BNIP3L: variants seen among roughly 807,000 people sequenced by gnomAD.
BNIP3L encodes the protein BCL2 interacting protein 3 like, also known as BCL2/adenovirus E1B 19 kDa protein-interacting protein 3-like.
A neutral mutation model predicts 25.5 loss-of-function variants in BNIP3L; 10 were observed. That is an observed-to-expected ratio of 0.39 (90% CI 0.24 to 0.67). BNIP3L has a LOEUF of 0.67. BNIP3L is among the 30% of genes least tolerant of loss of function. The probability of loss-of-function intolerance (pLI) is 0.45; values close to 1 mark genes in which losing one functional copy is unlikely to be tolerated. For missense variants in BNIP3L, 215 were observed against 270.9 expected (o/e 0.79, Z 1.45); for synonymous variants, 113 against 101.2 (o/e 1.12, Z -0.70).
intron 1 of BNIP3L, among the ~76,000 whole-genome samples, chr8:26,385,920 A>G (rs974120329): frequency 2.6e-5 from 4 of 152,208 alleles, no homozygotes; most frequent in African/African-American, 9.6e-5. Context: ...ACTGTACTGA[A>G]CAAAACAAGA....
intron 1 of BNIP3L, among the ~76,000 whole-genome samples, chr8:26,387,892 T>C (rs963449807): frequency 6.6e-5 from 10 of 152,196 alleles, no homozygotes; most frequent in African/African-American, 2.2e-4. Flanking sequence ...GCCATTTAGA[T>C]AATGGTTAAA....
chr8:26,411,580 G>A lies in BNIP3L; in HGVS notation c.*1168G>A, dbSNP rs1806625780. 6.6e-6 allele frequency: 1 copy of A among 152,458 alleles called. No individual in the cohort carries two copies. Among genetic ancestry groups the A allele is most frequent in the Non-Finnish European group, 1.5e-5 (1 of 68,020 alleles). 9.4% of individuals were successfully genotyped at this position (152,458 alleles called of 1,614,324 possible). On this transcript the variant is annotated 3_prime_UTR_variant, in exon 6 of 6. Transcript: ENST00000380629. Reference sequence around the variant, plus strand: ...TCCCAAGGTGATTCCTGCGACTGCAGGCACTGGTCATTTTCTCATGTAGCT... The same window carrying A: ...TCCCAAGGTGATTCCTGCGACTGCAAGCACTGGTCATTTTCTCATGTAGCT...
chr8:26,409,011 A>G (rs989331490), intron 5 of BNIP3L, among the ~76,000 whole-genome samples: 20 of 152,052 alleles, frequency 1.3e-4, no homozygotes, highest in African/African-American at 4.8e-4. Flanking sequence ...AACTAAACTA[A>G]TCTTTAGCAT....
chr8:26,387,101 C>T (rs1045730424), intron 1 of BNIP3L, among the ~76,000 whole-genome samples: 2 of 152,052 alleles, frequency 1.3e-5, no homozygotes, highest in African/African-American at 2.4e-5. Context: ...TCTCTCCTCC[C>T]CTTGTCCCAA....
intron 1 of BNIP3L, among the ~76,000 whole-genome samples, chr8:26,390,191 C>T (rs951199015): frequency 2.6e-5 from 4 of 152,124 alleles, no homozygotes; most frequent in Non-Finnish European, 5.9e-5. Context: ...TGGATTCAAG[C>T]AATCCTGGTG....
chr8:26,391,340 C>A lies in BNIP3L; in HGVS notation c.198C>A (p.Ile66=). ...GLEHVPSSSS[I]HNGDMEKILL... ...AACACGTACCATCCTCATCCTCCAT[C>A]CACAATGGAGACATGGAGAAGATTC... Residue 66 remains isoleucine, a synonymous_variant, in exon 2 of 6, where the codon ATC becomes ATA. Coordinates refer to ENST00000380629, the MANE Select transcript of BNIP3L (RefSeq NM_004331.3). 2.5e-6 allele frequency: 4 copies of A among 1,611,028 alleles called. No individual in the cohort carries two copies. Among genetic ancestry groups the A allele is most frequent in the Non-Finnish European group, 3.4e-6 (4 of 1,178,682 alleles).
chr8:26,394,864 A>G (rs145690996), intron 2 of BNIP3L, among the ~76,000 whole-genome samples: 4 of 152,348 alleles, frequency 2.6e-5, no homozygotes, highest in Non-Finnish European at 5.9e-5. Flanking sequence ...TGATGAGGGA[A>G]CTTTGAGAAA....
Position 26,412,520 on chromosome 8 carries a change from A to G in BNIP3L, c.*2108A>G, listed in dbSNP as rs1806651990. On this transcript the variant is annotated 3_prime_UTR_variant, in exon 6 of 6. Coordinates refer to ENST00000380629, the MANE Select transcript of BNIP3L (RefSeq NM_004331.3). Reference sequence around the variant, plus strand: ...TTCTTTCAGCGTTAAAAAGAAACATAGTGTTGCCCTTTTTCTTAAAGCATC... The same window carrying G: ...TTCTTTCAGCGTTAAAAAGAAACATGGTGTTGCCCTTTTTCTTAAAGCATC... 1.3e-5 allele frequency: 2 copies of G among 152,374 alleles called. No individual in the cohort carries two copies. The highest frequency in any genetic ancestry group is 1.9e-4 in the East Asian group (1 of 5,192). 9.4% of individuals were successfully genotyped at this position (152,374 alleles called of 1,614,324 possible). A position where few individuals can be genotyped will look rare whatever the true frequency, so the allele number is the denominator to read the frequency against.
intron 1 of BNIP3L, chr8:26,390,445 T>G: frequency 1.0e-6 from 1 of 985,042 alleles, no homozygotes; most frequent in Non-Finnish European, 1.2e-6. Context: ...TGCTCCCAAA[T>G]CAACAGGGTT....
rs1806650237 is a variant in BNIP3L, at chr8:26,412,456, T to G, written c.*2044T>G. 1.3e-5 allele frequency: 2 copies of G among 152,212 alleles called. No homozygotes were observed. The highest frequency in any genetic ancestry group is 4.8e-5 in the African/African-American group (2 of 41,458). The allele number at this position is 152,212 out of a possible 1,614,324, so 9.4% of individuals were successfully genotyped here. A position where few individuals can be genotyped will look rare whatever the true frequency, so the allele number is the denominator to read the frequency against. On this transcript the variant is annotated 3_prime_UTR_variant, in exon 6 of 6. Transcript: ENST00000380629. Reference sequence around the variant, plus strand: ...TGCTCTTTCCAAGTTCAGCAGCAGTTCTATCAGTGGTGCCACTGAAACTGG... The same window carrying G: ...TGCTCTTTCCAAGTTCAGCAGCAGTGCTATCAGTGGTGCCACTGAAACTGG...
intron 2 of BNIP3L, among the ~76,000 whole-genome samples, chr8:26,391,827 C>T (rs184948329): frequency 3.3e-5 from 5 of 152,270 alleles, no homozygotes; most frequent in East Asian, 1.9e-4. Flanking sequence ...TAGATGTTGA[C>T]GTTGCAAAGG....
rs757216151 is a variant in BNIP3L, at chr8:26,408,093, A to G, written c.451A>G (p.Ile151Val). The change falls in exon 4 of 6, where the codon ATT becomes GTT. Residue 151 changes from isoleucine (I) to valine (V), a missense_variant. Transcript: ENST00000380629. ...VSDWSSRPEN[I>V]PPKEFHFRHP... Reference sequence around the variant, plus strand: ...AGACTGGTCCAGTAGACCCGAAAACATTCCACCCAAGTGAGTTCTCACATG... The same window carrying G: ...AGACTGGTCCAGTAGACCCGAAAACGTTCCACCCAAGTGAGTTCTCACATG... 14 of 1,614,084 alleles carry G rather than the reference A, an allele frequency of 8.7e-6. No homozygotes were observed. In the Admixed American group the frequency reaches 1.8e-4, roughly 21 times the overall value.
In BNIP3L at chr8:26,411,391, C is replaced by T. The variant is rs1806622171; in HGVS notation, c.*979C>T. The T allele has an allele frequency of 6.6e-6, 1 of 152,164 alleles. No individual in the cohort carries two copies. The highest frequency in any genetic ancestry group is 2.4e-5 in the African/African-American group (1 of 41,390). The allele number at this position is 152,164 out of a possible 1,614,324, so 9.4% of individuals were successfully genotyped here. Reference sequence around the variant, plus strand: ...CTTGTTTTAGGAAGCATCACCTATACTCTGAAGCCTTTAAACTCTGAAGAG... The same window carrying T: ...CTTGTTTTAGGAAGCATCACCTATATTCTGAAGCCTTTAAACTCTGAAGAG... On this transcript the variant is annotated 3_prime_UTR_variant, in exon 6 of 6. Transcript: ENST00000380629.
At chr8:26,408,521 C>A in intron 5 of BNIP3L, 145 bp downstream of exon 5, 1 of 950,488 alleles carries the variant, frequency 1.1e-6, no homozygotes, top group Non-Finnish European at 1.6e-6. Context: ...AGTGGGTGCA[C>A]AATTGTTCTA....
rs887039242 is a variant in BNIP3L, at chr8:26,402,227, A to T, written c.358-5773A>T. 3.3e-5 allele frequency among the ~76,000 whole-genome samples: 5 copies of T among 152,196 alleles called. No individual in the cohort carries two copies. In the East Asian group the frequency reaches 5.8e-4, roughly 18 times the overall value. On this transcript the variant is annotated intron_variant, in intron 3 of 5. Coordinates refer to ENST00000380629, the MANE Select transcript of BNIP3L (RefSeq NM_004331.3). ...TTCAACACAAATTTATTTTATGATG[A>T]TGAGCTTTATACTGTAGAGAAGCTC...
At position 26,400,727 on chromosome 8, in the gene BNIP3L, C is replaced by CA. The variant is rs1232306370; in HGVS notation, c.357+5428dup. ...CTCAAACAAATTTACAAGAAAAAAA[C>CA]AAACAACCCCATCAAAAAGTGGGCG... On this transcript the variant is annotated intron_variant, in intron 3 of 5. Coordinates refer to ENST00000380629, the MANE Select transcript of BNIP3L (RefSeq NM_004331.3). Among the ~76,000 whole-genome samples, 3 of 62,718 alleles carry CA rather than the reference C, an allele frequency of 4.8e-5. 1 individual carries two copies. The highest frequency in any genetic ancestry group is 4.4e-4 in the Admixed American group (3 of 6,862). 41.1% of individuals were successfully genotyped at this position (62,718 alleles called of 152,430 possible).
intron 3 of BNIP3L, among the ~76,000 whole-genome samples, chr8:26,401,529 C>T (rs1228332889): frequency 7.3e-6 from 1 of 136,468 alleles, no homozygotes; most frequent in African/African-American, 2.8e-5. Context: ...AACTAACCTG[C>T]ACAATGTGCA....
intron 1 of BNIP3L, among the ~76,000 whole-genome samples, chr8:26,388,694 G>A (rs372906961): frequency 6.6e-6 from 1 of 152,248 alleles, no homozygotes; most frequent in East Asian, 1.9e-4. Flanking sequence ...AACCAGGTTG[G>A]GAGCAGTGGC....
rs775749913 is a variant in BNIP3L, at chr8:26,389,749, C to G, written c.101-1494C>G. Among the ~76,000 whole-genome samples the G allele has an allele frequency of 2.3e-4, 35 of 152,332 alleles. 1 individual carries two copies. The highest frequency in any genetic ancestry group is 1.8e-3 in the Admixed American group (28 of 15,306). ...AATGAGGAAGCTGAAGCTCAGGTCACACAGGTAGACAGGAAGTGATGGGGT... is the reference window on the plus strand; with the variant it reads ...AATGAGGAAGCTGAAGCTCAGGTCAGACAGGTAGACAGGAAGTGATGGGGT... On this transcript the variant is annotated intron_variant, in intron 1 of 5. Coordinates refer to ENST00000380629, the MANE Select transcript of BNIP3L (RefSeq NM_004331.3).
Sources: gnomAD v4.1 joint callset for allele counts (sites outside exome capture counted in the v4.1 genomes callset) on GRCh38, gnomAD v4.1.1 for gene constraint, MANE v1.5 for transcripts, NCBI Gene and HGNC (gene_info 2026-07-23, HGNC 2026-07-21) for gene names.